Variants in KLF12 observed in about 807,000 individuals in gnomAD.
KLF12 encodes the protein Krueppel-like factor 12.
In KLF12, 9 loss-of-function variants were observed where a neutral mutation model predicts 37.8. That is an observed-to-expected ratio of 0.24 (90% CI 0.14 to 0.42). KLF12 has a LOEUF of 0.42. KLF12 is among the 10% of genes least tolerant of loss of function. KLF12 has a pLI of 1.00. For synonymous variants in KLF12, 208 were observed against 202.1 expected (o/e 1.03, Z -0.25); for missense variants, 411 against 516.0 (o/e 0.80, Z 1.97).
chr13:73,916,347 A>G (rs1295424441), intron 3 of KLF12, among the ~76,000 whole-genome samples: 2 of 152,208 alleles, frequency 1.3e-5, no homozygotes, highest in Non-Finnish European at 2.9e-5. Context: ...ATTAAAAGAT[A>G]CAGCTTTATT....
chr13:74,304,271 T>C, the KLF12 span, among the ~76,000 whole-genome samples: 2 of 152,168 alleles, frequency 1.3e-5, no homozygotes, highest in African/African-American at 2.4e-5. Flanking sequence ...GTTTTTCTTT[T>C]TGTGGAAATT....
At chr13:73,893,802 AG>A (rs1887626094) in intron 3 of KLF12, among the ~76,000 whole-genome samples, 1 of 152,196 alleles carries the variant, frequency 6.6e-6, no homozygotes, top group Admixed American at 6.5e-5. Context: ...TGTGCTGGGT[AG>A]GTAAGTAGAG....
At chr13:73,883,534 G>A (rs1264881550) in intron 3 of KLF12, among the ~76,000 whole-genome samples, 1 of 152,120 alleles carries the variant, frequency 6.6e-6, no homozygotes, top group Non-Finnish European at 1.5e-5. Flanking sequence ...AATAGATGGG[G>A]GATACTGCTG....
chr13:74,087,744 G>C (rs982381581), intron 1 of KLF12, among the ~76,000 whole-genome samples: 2 of 151,954 alleles, frequency 1.3e-5, no homozygotes, highest in Non-Finnish European at 2.9e-5. Flanking sequence ...CATTTCTTCA[G>C]TGTGTTGGCA....
chr13:73,719,196 CAGA>C (rs1876039920), intron 6 of KLF12, among the ~76,000 whole-genome samples: 1 of 152,076 alleles, frequency 6.6e-6, no homozygotes, highest in Non-Finnish European at 1.5e-5. Flanking sequence ...ACCAGAAGTG[CAGA>C]AGAACCTGAA....
intron 2 of KLF12, among the ~76,000 whole-genome samples, chr13:73,944,941 T>C (rs1258223331): frequency 2.0e-5 from 3 of 152,220 alleles, no homozygotes; most frequent in African/African-American, 7.2e-5. Context: ...ATTTCTCTGT[T>C]ACATATTGAC....
chr13:73,996,570 C>A (rs942113042), intron 1 of KLF12, among the ~76,000 whole-genome samples: 3 of 152,224 alleles, frequency 2.0e-5, no homozygotes, highest in African/African-American at 7.2e-5. Context: ...TCCAAAAATT[C>A]ATAATACTCC....
intron 1 of KLF12, among the ~76,000 whole-genome samples, chr13:74,007,749 A>G (rs1413942150): frequency 6.6e-6 from 1 of 152,220 alleles, no homozygotes; most frequent in East Asian, 1.9e-4. Flanking sequence ...TAGAATTAAC[A>G]TGAATTTAGT....
chr13:73,856,009 C>A (rs945283696), intron 3 of KLF12, among the ~76,000 whole-genome samples: 1 of 152,164 alleles, frequency 6.6e-6, no homozygotes, highest in African/African-American at 2.4e-5. Context: ...TTGTAATGGG[C>A]CCTTTTTGGA....
intron 3 of KLF12, among the ~76,000 whole-genome samples, chr13:73,902,304 A>G (rs979410243): frequency 6.6e-6 from 1 of 152,234 alleles, no homozygotes; most frequent in African/African-American, 2.4e-5. Context: ...GGCAGGCATT[A>G]TATTTCTCAG....
At chr13:73,927,769 T>C (rs1889467124) in intron 3 of KLF12, among the ~76,000 whole-genome samples, 2 of 150,266 alleles carry the variant, frequency 1.3e-5, no homozygotes. Flanking sequence ...TTTGTATTTT[T>C]AGTAAAGACA....
chr13:73,814,758 G>T lies in KLF12; in HGVS notation c.671-1471C>A, dbSNP rs143814264. Among the ~76,000 whole-genome samples, 281 of 152,060 alleles carry T rather than the reference G, an allele frequency of 1.8e-3. 1 individual carries two copies. Among genetic ancestry groups the T allele is most frequent in the African/African-American group, 5.9e-3 (245 of 41,460 alleles). On this transcript the variant is annotated intron_variant, in intron 4 of 7. Transcript: ENST00000377669. ...ACATTACTGATTGTCACAACTTGGG[G>T]CGGGGGATAGGGAGGGTGCTACTGG...
rs540401477 is a variant in KLF12 at position 73,884,333 on chromosome 13, T to C, written c.124-37960A>G. On this transcript the variant is annotated intron_variant, in intron 3 of 7. Coordinates refer to ENST00000377669, the MANE Select transcript of KLF12 (RefSeq NM_007249.5). ...GCTAGCGCAAATACGGCCCACAAAA[T>C]ACCATTTTCCCAGACAACCCAAGCC... Among the ~76,000 whole-genome samples the C allele has an allele frequency of 1.2e-4, 18 of 152,316 alleles. 1 individual carries two copies. Among genetic ancestry groups the C allele is most frequent in the African/African-American group, 4.1e-4 (17 of 41,572 alleles).
At chr13:74,250,146 A>T in the KLF12 span, among the ~76,000 whole-genome samples, 4 of 152,186 alleles carry the variant, frequency 2.6e-5, no homozygotes, top group Non-Finnish European at 5.9e-5. Context: ...AAATGGATGG[A>T]TACGTGGAAG....
chr13:74,126,749 A>G (rs1593921775), intron 1 of KLF12, among the ~76,000 whole-genome samples: 1 of 152,204 alleles, frequency 6.6e-6, no homozygotes, highest in African/African-American at 2.4e-5. Context: ...CAGCCCAAAA[A>G]AGGCATTCAT....
the KLF12 span, among the ~76,000 whole-genome samples, chr13:74,305,961 A>C: frequency 0.56 from 84,975 of 151,928 alleles, 28,878 homozygotes; most frequent in East Asian, 0.83. Flanking sequence ...AGCAGGGGAA[A>C]AGGCTGGAAA....
At chr13:74,274,023 ACT>A in the KLF12 span, among the ~76,000 whole-genome samples, 2 of 152,062 alleles carry the variant, frequency 1.3e-5, no homozygotes, top group South Asian at 4.1e-4. Flanking sequence ...AAGACACCAA[ACT>A]CTGCCTCTTG....
In KLF12 at chr13:74,133,833, G is replaced by GCA. The variant is rs36102647; in HGVS notation, c.-128_-127dup. The stretch of plus-strand genomic sequence containing the variant: ...CTTTCTCTCTCTCACACGCGCGCGC[G>GCA]CACACACACACACACACTCGCACAC... On this transcript the variant is annotated 5_prime_UTR_variant, in exon 1 of 8. Transcript: ENST00000377669. 4.8e-4 allele frequency among the ~76,000 whole-genome samples: 72 copies of GCA among 150,650 alleles called. No individual in the cohort carries two copies. Among genetic ancestry groups the GCA allele is most frequent in the South Asian group, 1.9e-3 (9 of 4,758 alleles).
intron 1 of KLF12, among the ~76,000 whole-genome samples, chr13:74,091,051 T>C (rs1286593164): frequency 6.6e-6 from 1 of 152,008 alleles, no homozygotes; most frequent in Non-Finnish European, 1.5e-5. Flanking sequence ...GGAGCAGAAT[T>C]CAGAGTTCAA....
Sources: allele counts gnomAD v4.1 joint callset (sites outside exome capture counted in the v4.1 genomes callset), GRCh38; gene constraint gnomAD v4.1.1; transcripts MANE v1.5; gene names NCBI Gene and HGNC (gene_info 2026-07-23, HGNC 2026-07-21).